SCN2A: variants seen among roughly 807,000 people sequenced by gnomAD.
SCN2A encodes sodium voltage-gated channel alpha subunit 2.
A neutral mutation model predicts 188.7 loss-of-function variants in SCN2A; 20 were observed. That is an observed-to-expected ratio of 0.11 (90% CI 0.07 to 0.15). The LOEUF (loss-of-function observed/expected upper bound fraction) is 0.15. Ranked by LOEUF, SCN2A falls within the 10% of genes least tolerant of loss-of-function variation. The pLI is 1.00. For synonymous variants in SCN2A, 804 were observed against 833.1 expected, an observed-to-expected ratio of 0.97 and a Z score of 0.60; for missense variants, 1,278 against 2,445.0, an observed-to-expected ratio of 0.52 and a Z score of 10.07.
chr2:165,379,002 T>C (rs185130914), intron 23 of SCN2A, among the ~76,000 whole-genome samples: 22 of 151,806 alleles, frequency 1.4e-4, no homozygotes, highest in African/African-American at 4.8e-4. Flanking sequence ...ACAATGCTGA[T>C]AGGAAAAAAA....
intron 3 of SCN2A, among the ~76,000 whole-genome samples, chr2:165,297,935 G>A (rs915672977): frequency 1.3e-5 from 2 of 152,170 alleles, no homozygotes; most frequent in African/African-American, 4.8e-5. Flanking sequence ...ATTAAATAGA[G>A]TAGTTGGAAA....
At chr2:165,244,635 C>G (rs1693766321) in intron 1 of SCN2A, among the ~76,000 whole-genome samples, 1 of 152,080 alleles carries the variant, frequency 6.6e-6, no homozygotes. Flanking sequence ...GGGTAAAAAA[C>G]TATAATTTCA....
In SCN2A at chr2:165,306,898, G is replaced by C. The variant is rs183965998; in HGVS notation, c.387-950G>C. Among the ~76,000 whole-genome samples, 120 of 152,256 alleles carry C rather than the reference G, an allele frequency of 7.9e-4. 2 individuals carry two copies. In the Middle Eastern group the frequency reaches 0.014, roughly 17 times the overall value. On this transcript the variant is annotated intron_variant, in intron 3 of 26. Coordinates refer to ENST00000375437, the MANE Select transcript of SCN2A (RefSeq NM_001040142.2). ...TTGTGTCCAGATTCACAATGATAAA[G>C]AGTGCCACTTTACATAATGGCAACT... is the stretch of plus-strand genomic sequence containing the variant.
chr2:165,304,456 T>G (rs1267013194), intron 3 of SCN2A, among the ~76,000 whole-genome samples: 1 of 152,226 alleles, frequency 6.6e-6, no homozygotes, highest in East Asian at 1.9e-4. Flanking sequence ...GAAATTGTTT[T>G]TAAAAACTCC....
intron 1 of SCN2A, chr2:165,268,390 C>G (rs374124954): frequency 6.6e-6 from 1 of 151,806 alleles, no homozygotes; most frequent in South Asian, 2.1e-4. Flanking sequence ...ACATATGTAA[C>G]TCAATAAATG....
rs371601218 is a variant in SCN2A, at chr2:165,326,858, A to G, written c.2023A>G (p.Thr675Ala). The G allele has an allele frequency of 4.3e-6, 7 of 1,613,854 alleles. No individual in the cohort carries two copies. The African/African-American group carries it at 6.7e-5, about 15-fold the overall frequency. ...SAGQLLPEGT[T>A]TETEIRKRRS... is the part of the protein sequence containing the mutation. ...TCTGAAATTCTACTTCTAGGGCACA[A>G]CTACTGAAACAGAAATAAGAAAGAG... The change falls in exon 13 of 27, where the codon ACT (threonine) becomes GCT (alanine). Residue 675 changes from threonine to alanine, a missense_variant. Thr to Ala is a moderately conservative substitution (Grantham distance 58, BLOSUM62 0). This residue lies in a region of SCN2A where 315 missense variants were observed against 386.6 expected (regional missense o/e 0.81). Transcript: ENST00000375437.
chr2:165,308,631 A>T (rs748949277), intron 4 of SCN2A, 35 bp from the exon 5 acceptor site: 1 of 1,604,300 alleles, frequency 6.2e-7, no homozygotes, highest in Admixed American at 1.7e-5. Flanking sequence ...ATTAACCACT[A>T]GATTTTTAAT....
chr2:165,263,725 G>A (rs191011734), intron 1 of SCN2A, among the ~76,000 whole-genome samples: 55 of 152,004 alleles, frequency 3.6e-4, no homozygotes, highest in African/African-American at 1.3e-3. Flanking sequence ...TGAATTTTAA[G>A]ATTATTTTTT....
intron 17 of SCN2A, among the ~76,000 whole-genome samples, chr2:165,361,677 G>T (rs1438298829): frequency 6.6e-6 from 1 of 152,014 alleles, no homozygotes; most frequent in Non-Finnish European, 1.5e-5. Flanking sequence ...GTGCTGCTCC[G>T]CTTCAGAAGA....
chr2:165,272,703 C>T (rs1574478708), intron 1 of SCN2A: 1 of 151,604 alleles, frequency 6.6e-6, no homozygotes, highest in African/African-American at 2.4e-5. Flanking sequence ...AGAAAAGGCC[C>T]CTTTTTACAA....
chr2:165,254,793 T>G (rs1694246365), intron 1 of SCN2A, among the ~76,000 whole-genome samples: 2 of 151,798 alleles, frequency 1.3e-5, no homozygotes. Context: ...CTTCTACAAT[T>G]AACAGCTTTG....
chr2:165,378,505 C>T (rs1701432241), intron 23 of SCN2A, among the ~76,000 whole-genome samples: 1 of 151,644 alleles, frequency 6.6e-6, no homozygotes, highest in African/African-American at 2.4e-5. Flanking sequence ...CTCACATTAT[C>T]CCATTTAATC....
At chr2:165,299,040 G>A (rs558648812) in intron 3 of SCN2A, among the ~76,000 whole-genome samples, 1 of 151,940 alleles carries the variant, frequency 6.6e-6, no homozygotes, top group African/African-American at 2.4e-5. Context: ...TTTTACAAAA[G>A]CAGATTTTTG....
intron 13 of SCN2A, chr2:165,328,526 A>G: frequency 3.0e-6 from 3 of 985,186 alleles, no homozygotes; most frequent in Non-Finnish European, 3.6e-6. Context: ...CAGGAAGTAG[A>G]GAAGGAGACA....
At chr2:165,277,894 T>G (rs963029157) in intron 1 of SCN2A, among the ~76,000 whole-genome samples, 1 of 152,216 alleles carries the variant, frequency 6.6e-6, no homozygotes, top group African/African-American at 2.4e-5. Context: ...AATATCTACT[T>G]TCTGCAAGGC....
chr2:165,308,651 G>A lies in SCN2A; in HGVS notation c.477-15G>A. On this transcript the variant is annotated splice_polypyrimidine_tract_variant and intron_variant, in intron 4 of 26. Transcript: ENST00000375437. ...CCACTAGATTTTTAATGTGAGCTTG[G>A]CTATTTTCTCTCAGGTATACCTTTA... The A allele has an allele frequency of 1.2e-6, 2 of 1,609,450 alleles. No individual in the cohort carries two copies. The highest frequency in any genetic ancestry group is 4.5e-5 in the East Asian group (2 of 44,694).
At chr2:165,360,910 T>C (rs1261062375) in intron 17 of SCN2A, among the ~76,000 whole-genome samples, 1 of 151,986 alleles carries the variant, frequency 6.6e-6, no homozygotes, top group Non-Finnish European at 1.5e-5. Flanking sequence ...ATCTGAAAAT[T>C]CTTAAGTGCA....
chr2:165,252,700 G>A (rs1198181406), intron 1 of SCN2A, among the ~76,000 whole-genome samples: 3 of 152,058 alleles, frequency 2.0e-5, no homozygotes, highest in Non-Finnish European at 4.4e-5. Context: ...GAAAGGGCAA[G>A]GATCTCAAGA....
At chr2:165,354,752 G>A (rs1235131153) in intron 17 of SCN2A, 81 bp downstream of exon 17, 1 of 1,399,876 alleles carries the variant, frequency 7.1e-7, no homozygotes, top group African/African-American at 1.4e-5. Context: ...TAAATTGCGT[G>A]TTTCCTTCCT....
Sources: gnomAD v4.1 joint callset for allele counts (sites outside exome capture counted in the v4.1 genomes callset) on GRCh38, gnomAD v4.1.1 for gene constraint, gnomAD v4.1.1 regional missense constraint, MANE v1.5 for transcripts, NCBI Gene and HGNC (gene_info 2026-07-23, HGNC 2026-07-21) for gene names.